SPMIP4: variants seen among roughly 807,000 people sequenced by gnomAD.
The protein encoded by SPMIP4 is sperm-associated microtubule inner protein 4.
chr7:25,166,891 A>G, the SPMIP4 span, among the ~76,000 whole-genome samples: 2 of 143,790 alleles, frequency 1.4e-5, no homozygotes, highest in African/African-American at 5.7e-5. Context: ...GTGAAACTCC[A>G]CCTCAAAAAA....
At chr7:25,136,757 G>T in the SPMIP4 span, 3 of 1,613,022 alleles carry the variant, frequency 1.9e-6, no homozygotes, top group Non-Finnish European at 2.5e-6. The surrounding 1 kb of genome is among the most constrained non-coding windows in gnomAD (Gnocchi z 5.7). Context: ...CCTTCCAACG[G>T]TCTGGGAGGT....
the SPMIP4 span, chr7:25,136,177 C>G: frequency 1.2e-6 from 2 of 1,614,140 alleles, no homozygotes; most frequent in Non-Finnish European, 8.5e-7. This position sits in a 1 kb window ranked among gnomAD's most constrained non-coding sequence, Gnocchi z 5.7. Flanking sequence ...AAGAACAGGT[C>G]TTGTTTCTTC....
At chr7:25,153,419 G>C in the SPMIP4 span, among the ~76,000 whole-genome samples, 1 of 151,676 alleles carries the variant, frequency 6.6e-6, no homozygotes, top group Non-Finnish European at 1.5e-5. Context: ...CAAAAACTAG[G>C]TGGGTGGGTG....
At chr7:25,126,833 C>T in the SPMIP4 span, among the ~76,000 whole-genome samples, 238 of 152,322 alleles carry the variant, frequency 1.6e-3, 1 homozygote, top group African/African-American at 5.5e-3. Flanking sequence ...TTCTTTCAGA[C>T]TGAGGAACTC....
the SPMIP4 span, among the ~76,000 whole-genome samples, chr7:25,174,563 G>T: frequency 6.6e-6 from 1 of 152,154 alleles, no homozygotes; most frequent in Non-Finnish European, 1.5e-5. This position sits in a 1 kb window ranked among gnomAD's most constrained non-coding sequence, Gnocchi z 4.5. Context: ...CGCATTTTTA[G>T]TTGGCAGATA....
At chr7:25,174,060 C>T in the SPMIP4 span, among the ~76,000 whole-genome samples, 1 of 152,132 alleles carries the variant, frequency 6.6e-6, no homozygotes. This position sits in a 1 kb window ranked among gnomAD's most constrained non-coding sequence, Gnocchi z 4.5. Context: ...TATAGGCTCC[C>T]ATTTGTTTCT....
chr7:25,139,172 A>T, the SPMIP4 span, among the ~76,000 whole-genome samples: 1 of 152,202 alleles, frequency 6.6e-6, no homozygotes, highest in Non-Finnish European at 1.5e-5. Flanking sequence ...AGAAAAAAAA[A>T]CCGCAAACAA....
At chr7:25,141,786 G>A in the SPMIP4 span, among the ~76,000 whole-genome samples, 22 of 152,004 alleles carry the variant, frequency 1.4e-4, no homozygotes, top group African/African-American at 5.3e-4. Context: ...CGTCTAGGCT[G>A]GAGCGCAGTG....
the SPMIP4 span, among the ~76,000 whole-genome samples, chr7:25,158,798 T>C: frequency 6.6e-6 from 1 of 151,230 alleles, no homozygotes; most frequent in East Asian, 1.9e-4. Flanking sequence ...TAATCCCAGC[T>C]ACTCAGGATT....
chr7:25,149,635 CAT>C, the SPMIP4 span, among the ~76,000 whole-genome samples: 1 of 152,132 alleles, frequency 6.6e-6, no homozygotes, highest in African/African-American at 2.4e-5. Context: ...TCAAATAACT[CAT>C]AATTTAATTG....
the SPMIP4 span, among the ~76,000 whole-genome samples, chr7:25,166,233 C>CT: frequency 1.4e-4 from 18 of 131,198 alleles, no homozygotes; most frequent in East Asian, 4.3e-4. Context: ...TTTCCGTCTT[C>CT]TTTTTTTTTT....
chr7:25,173,182 T>C, the SPMIP4 span, among the ~76,000 whole-genome samples: 1 of 152,028 alleles, frequency 6.6e-6, no homozygotes, highest in East Asian at 1.9e-4. This position sits in a 1 kb window ranked among gnomAD's most constrained non-coding sequence, Gnocchi z 4.4. Context: ...CTTTTTTCTC[T>C]TTACCAGTAC....
At chr7:25,128,589 A>G in the SPMIP4 span, among the ~76,000 whole-genome samples, 1 of 152,170 alleles carries the variant, frequency 6.6e-6, no homozygotes, top group Admixed American at 6.5e-5. This position sits in a 1 kb window ranked among gnomAD's most constrained non-coding sequence, Gnocchi z 4.5. Context: ...TTCTCCTTTC[A>G]GGGCAGTGGG....
At chr7:25,137,843 CAA>C in the SPMIP4 span, among the ~76,000 whole-genome samples, 1 of 152,086 alleles carries the variant, frequency 6.6e-6, no homozygotes, top group African/African-American at 2.4e-5. Context: ...ACAACTTCAA[CAA>C]AAGAGATTAC....
the SPMIP4 span, among the ~76,000 whole-genome samples, chr7:25,153,709 T>A: frequency 6.6e-6 from 1 of 152,238 alleles, no homozygotes; most frequent in East Asian, 1.9e-4. Flanking sequence ...AACAAAGTCA[T>A]AAAAATTTTA....
At chr7:25,145,796 G>A in the SPMIP4 span, among the ~76,000 whole-genome samples, 1 of 152,102 alleles carries the variant, frequency 6.6e-6, no homozygotes. Flanking sequence ...AACATTTACT[G>A]AATACCTATT....
At chr7:25,135,845 T>C in the SPMIP4 span, 1 of 1,410,926 alleles carries the variant, frequency 7.1e-7, no homozygotes, top group Non-Finnish European at 9.2e-7. Flanking sequence ...TTCCTGAAAA[T>C]GTAAACCTCA....
chr7:25,130,630 C>T, the SPMIP4 span, among the ~76,000 whole-genome samples: 26 of 152,292 alleles, frequency 1.7e-4, no homozygotes, highest in Non-Finnish European at 3.2e-4. Context: ...CACTTAACTA[C>T]ACCTACTTCT....
the SPMIP4 span, among the ~76,000 whole-genome samples, chr7:25,131,881 C>T: frequency 2.8e-3 from 422 of 152,310 alleles, 1 homozygote; most frequent in African/African-American, 9.5e-3. This position sits in a 1 kb window ranked among gnomAD's most constrained non-coding sequence, Gnocchi z 4.2. Context: ...ATGGGCACCT[C>T]GCTGGATCAG....
Sources: gnomAD v4.1 joint callset for allele counts (sites outside exome capture counted in the v4.1 genomes callset) on GRCh38, gnomAD v4.1.1 for gene constraint, Gnocchi (gnomAD v3.1) non-coding constraint, MANE v1.5 for transcripts, NCBI Gene and HGNC (gene_info 2026-07-23, HGNC 2026-07-21) for gene names.